The following MACROD2 variants were observed in gnomAD, a reference collection of about 807,000 sequenced individuals.
MACROD2 encodes ADP-ribose glycohydrolase MACROD2.
Under a neutral mutation model 70.4 loss-of-function variants are expected in MACROD2, and 36 were observed. The ratio of observed to expected loss-of-function variants is 0.51; its 90% CI spans 0.39 to 0.68. The LOEUF is 0.68. Among genes scored for constraint, MACROD2 ranks in the 30% least tolerant of loss-of-function variants. The pLI, the probability that MACROD2 is intolerant of heterozygous loss-of-function variation, is 0.00. For synonymous variants in MACROD2, 172 were observed against 178.8 expected, an observed-to-expected ratio of 0.96 and a Z score of 0.30; for missense variants, 496 against 538.4, an observed-to-expected ratio of 0.92 and a Z score of 0.78.
chr20:14,960,037 A>G (rs897097883), intron 5 of MACROD2, among the ~76,000 whole-genome samples: 2 of 152,154 alleles, frequency 1.3e-5, no homozygotes, highest in Non-Finnish European at 2.9e-5. Flanking sequence ...CTCCTGTACA[A>G]ATTCTCTTCC....
At chr20:15,498,460 A>G (rs1443178108) in intron 7 of MACROD2, among the ~76,000 whole-genome samples, 1 of 152,160 alleles carries the variant, frequency 6.6e-6, no homozygotes, top group African/African-American at 2.4e-5. Context: ...ATCCTCATAG[A>G]CAAGCCGTAT....
intron 4 of MACROD2, among the ~76,000 whole-genome samples, chr20:14,583,424 T>C (rs557198482): frequency 6.6e-6 from 1 of 152,168 alleles, no homozygotes; most frequent in South Asian, 2.1e-4. Context: ...CCCAATGGAT[T>C]CAAGCCCTAG....
intron 11 of MACROD2, among the ~76,000 whole-genome samples, chr20:15,936,671 G>GTGTGTA (rs1555797416): frequency 5.6e-5 from 8 of 143,258 alleles, no homozygotes; most frequent in African/African-American, 2.1e-4. Flanking sequence ...GTATATGTGT[G>GTGTGTA]TATATATATA....
At chr20:15,729,241 G>T (rs1600814756) in intron 8 of MACROD2, among the ~76,000 whole-genome samples, 1 of 152,106 alleles carries the variant, frequency 6.6e-6, no homozygotes, top group Non-Finnish European at 1.5e-5. Flanking sequence ...TTGTGTTGTG[G>T]TCCAAGAGTG....
chr20:14,473,490 T>A (rs1470025664), intron 3 of MACROD2, among the ~76,000 whole-genome samples: 1 of 152,212 alleles, frequency 6.6e-6, no homozygotes, highest in African/African-American at 2.4e-5. Flanking sequence ...GTCTTGTTTT[T>A]TAAGGCTGAA....
intron 8 of MACROD2, among the ~76,000 whole-genome samples, chr20:15,572,079 G>A (rs1302844154): frequency 2.0e-5 from 3 of 152,032 alleles, no homozygotes; most frequent in Non-Finnish European, 4.4e-5. Flanking sequence ...ATGTATGTTG[G>A]TAAACACCCC....
chr20:15,242,114 A>G (rs1055703330), intron 6 of MACROD2, among the ~76,000 whole-genome samples: 5 of 152,230 alleles, frequency 3.3e-5, no homozygotes, highest in Non-Finnish European at 7.3e-5. Context: ...ACCTCTTGGT[A>G]TAATGGATCA....
intron 3 of MACROD2, among the ~76,000 whole-genome samples, chr20:14,385,902 AATG>A (rs2083463034): frequency 6.6e-6 from 1 of 151,930 alleles, no homozygotes; most frequent in South Asian, 2.1e-4. Flanking sequence ...ATCTTCCAAT[AATG>A]ATTGTATTAC....
intron 6 of MACROD2, among the ~76,000 whole-genome samples, chr20:15,233,036 T>C (rs2076972771): frequency 6.6e-6 from 1 of 152,030 alleles, no homozygotes; most frequent in Admixed American, 6.5e-5. Context: ...TGTGACTCCA[T>C]CTTATGACCA....
intron 5 of MACROD2, among the ~76,000 whole-genome samples, chr20:15,108,770 C>T (rs1048449353): frequency 7.2e-5 from 11 of 152,112 alleles, no homozygotes; most frequent in African/African-American, 2.7e-4. Context: ...CCCCAAACTC[C>T]CTCAGAGAAG....
At chr20:15,656,239 C>T (rs2049728642) in intron 8 of MACROD2, among the ~76,000 whole-genome samples, 1 of 152,128 alleles carries the variant, frequency 6.6e-6, no homozygotes, top group Non-Finnish European at 1.5e-5. Context: ...GAATGCTTCT[C>T]CTTTTGATAA....
chr20:15,644,929 T>G (rs1316340650), intron 8 of MACROD2, among the ~76,000 whole-genome samples: 1 of 152,184 alleles, frequency 6.6e-6, no homozygotes, highest in Non-Finnish European at 1.5e-5. Context: ...ACCTAGGTGA[T>G]CCACCTGCCT....
intron 3 of MACROD2, among the ~76,000 whole-genome samples, chr20:14,486,895 C>T (rs1388137840): frequency 6.6e-6 from 1 of 152,090 alleles, no homozygotes; most frequent in South Asian, 2.1e-4. Context: ...ATATTGATAT[C>T]CATTTACTTT....
chr20:14,821,506 A>G (rs113551266), intron 5 of MACROD2, among the ~76,000 whole-genome samples: 2,381 of 152,110 alleles, frequency 0.016, 61 homozygotes, highest in African/African-American at 0.054. Context: ...ATTTTTTTCA[A>G]AGTTCCCAGA....
chr20:14,215,727 G>A (rs549448321), intron 3 of MACROD2, among the ~76,000 whole-genome samples: 113 of 152,060 alleles, frequency 7.4e-4, no homozygotes, highest in Middle Eastern at 6.8e-3. Flanking sequence ...AGGTGCTATC[G>A]CATTGTGGTT....
intron 11 of MACROD2, 137 bp from the exon 12 acceptor site, chr20:15,937,339 A>C: frequency 2.8e-6 from 2 of 706,674 alleles, no homozygotes; most frequent in Admixed American, 4.6e-5. Flanking sequence ...CCCTTCAAAG[A>C]GCATTCAGTG....
At chr20:14,346,659 A>C (rs1370917954) in intron 3 of MACROD2, among the ~76,000 whole-genome samples, 1 of 152,174 alleles carries the variant, frequency 6.6e-6, no homozygotes, top group Non-Finnish European at 1.5e-5. Context: ...GAATTTGCTA[A>C]TTAGGAGGAA....
chr20:14,221,676 T>C (rs2081675507), intron 3 of MACROD2, among the ~76,000 whole-genome samples: 1 of 151,860 alleles, frequency 6.6e-6, no homozygotes. Context: ...GCAAAAGAAG[T>C]GATCACCATA....
chr20:15,036,333 A>G (rs557617392), intron 5 of MACROD2, among the ~76,000 whole-genome samples: 37 of 152,260 alleles, frequency 2.4e-4, no homozygotes, highest in African/African-American at 8.4e-4. Context: ...ATGACCATCT[A>G]TGTCCCTTTT....
Sources: gnomAD v4.1 joint callset for allele counts (sites outside exome capture counted in the v4.1 genomes callset) on GRCh38, gnomAD v4.1.1 for gene constraint, MANE v1.5 for transcripts, NCBI Gene and HGNC (gene_info 2026-07-23, HGNC 2026-07-21) for gene names.